Variants in DNAJB4 observed in about 807,000 individuals in gnomAD.
DNAJB4 encodes the protein dnaJ homolog subfamily B member 4.
Under a neutral mutation model 26.6 loss-of-function variants are expected in DNAJB4, and 10 were observed. The observed-to-expected ratio is 0.38, with a 90% confidence interval of 0.23 to 0.64. The LOEUF (loss-of-function observed/expected upper bound fraction) is 0.64, where lower values mean the gene tolerates loss of function less well. Ranked by LOEUF, DNAJB4 falls within the 30% of genes least tolerant of loss-of-function variation. The pLI, the probability that DNAJB4 is intolerant of heterozygous loss-of-function variation, is 0.58. For synonymous variants in DNAJB4, 136 were observed against 134.8 expected (o/e 1.01, Z -0.06); for missense variants, 328 against 408.2 (o/e 0.80, Z 1.69).
At chr1:77,982,538 G>A (rs1192911392) in intron 1 of DNAJB4, among the ~76,000 whole-genome samples, 2 of 22,640 alleles carry the variant, frequency 8.8e-5, no homozygotes, top group Non-Finnish European at 2.3e-4. Flanking sequence ...AATATGAAAG[G>A]TAGGCTGGGC....
intron 1 of DNAJB4, among the ~76,000 whole-genome samples, chr1:77,992,189 G>A (rs1192166145): frequency 8.6e-5 from 13 of 151,656 alleles, no homozygotes; most frequent in African/African-American, 2.9e-4. Context: ...CGAGGCGGGC[G>A]GATCACGAGG....
rs759436082 is a variant in DNAJB4, at chr1:78,005,300, T to C, written c.190T>C (p.Tyr64His). ...GAGTGATCCTAAAAAGAGAGAAATATATGATCAGTTTGGGGAGGAAGGTAA... is the reference window on the plus strand; with the variant it reads ...GAGTGATCCTAAAAAGAGAGAAATACATGATCAGTTTGGGGAGGAAGGTAA... ...VLSDPKKREI[Y>H]DQFGEEGLKG... The change falls in exon 1 of 3, where the codon TAT becomes CAT. Residue 64 changes from tyrosine (Y) to histidine (H), a missense_variant. Transcript: ENST00000370763. The C allele has an allele frequency of 1.2e-6, 2 of 1,613,372 alleles. No individual in the cohort carries two copies. Among genetic ancestry groups the C allele is most frequent in the Non-Finnish European group, 8.5e-7 (1 of 1,179,792 alleles).
At chr1:77,998,390 T>G (rs1660113881) in intron 1 of DNAJB4, among the ~76,000 whole-genome samples, 1 of 152,216 alleles carries the variant, frequency 6.6e-6, no homozygotes, top group South Asian at 2.1e-4. Flanking sequence ...CTACTGTCAT[T>G]GCCTAAAAAA....
At chr1:77,981,315 A>G (rs939034897) in intron 1 of DNAJB4, 2 of 150,452 alleles carry the variant, frequency 1.3e-5, no homozygotes, top group East Asian at 2.0e-4. Context: ...GTGCACCACT[A>G]TGCCTAATTT....
At chr1:77,997,332 A>AAAATCTAT (rs1553134321) in intron 1 of DNAJB4, among the ~76,000 whole-genome samples, 5 of 149,754 alleles carry the variant, frequency 3.3e-5, no homozygotes, top group African/African-American at 1.2e-4. Context: ...AAAAAAAAAA[A>AAAATCTAT]ATCTATATCT....
chr1:78,011,218 G>A (rs1285721430), intron 1 of DNAJB4, among the ~76,000 whole-genome samples: 1 of 151,944 alleles, frequency 6.6e-6, no homozygotes, highest in Non-Finnish European at 1.5e-5. Flanking sequence ...TTAAGCAAAG[G>A]GTCAAAAAGT....
At chr1:77,999,090 T>C (rs2102599833) in intron 1 of DNAJB4, among the ~76,000 whole-genome samples, 1 of 152,338 alleles carries the variant, frequency 6.6e-6, no homozygotes, top group South Asian at 2.1e-4. Context: ...TCTTAGTGCT[T>C]ACTGGTTTTT....
intron 1 of DNAJB4, among the ~76,000 whole-genome samples, chr1:77,999,286 T>C (rs1660135913): frequency 6.6e-6 from 1 of 152,240 alleles, no homozygotes; most frequent in Non-Finnish European, 1.5e-5. Flanking sequence ...AAGAATATCT[T>C]AGCTCATTAT....
chr1:78,009,488 G>A (rs977771615), intron 1 of DNAJB4, among the ~76,000 whole-genome samples: 2 of 152,108 alleles, frequency 1.3e-5, no homozygotes, highest in South Asian at 2.1e-4. Flanking sequence ...TCTCTGGTGC[G>A]TTTTTTGATC....
intron 1 of DNAJB4, among the ~76,000 whole-genome samples, chr1:77,986,462 C>T (rs963364116): frequency 2.0e-5 from 3 of 152,178 alleles, no homozygotes; most frequent in Non-Finnish European, 4.4e-5. Context: ...AGTCTCTTGA[C>T]ACTTCTCTTT....
At chr1:78,010,935 C>T (rs990782403) in intron 1 of DNAJB4, among the ~76,000 whole-genome samples, 2 of 152,182 alleles carry the variant, frequency 1.3e-5, no homozygotes, top group African/African-American at 2.4e-5. Flanking sequence ...CCATTTTCAG[C>T]CCTGTATGCA....
intron 1 of DNAJB4, among the ~76,000 whole-genome samples, chr1:78,011,297 T>C (rs1382787667): frequency 6.6e-6 from 1 of 152,166 alleles, no homozygotes; most frequent in African/African-American, 2.4e-5. Flanking sequence ...GCCTTACGTG[T>C]CAAAGTTTAC....
Position 78,016,048 on chromosome 1 carries a change from T to TA in DNAJB4, c.815_816insA (p.Asp273GlyfsTer11). The TA allele has an allele frequency of 6.2e-7, 1 of 1,614,082 alleles. No homozygotes were observed. The highest frequency in any genetic ancestry group is 8.5e-7 in the Non-Finnish European group (1 of 1,180,000). ...GGCTGCTCAATTAATGTACCAACACTGGATGGAAGAAACATACCTATGTCA... is the reference window on the plus strand; with the variant it reads ...GGCTGCTCAATTAATGTACCAACACTAGGATGGAAGAAACATACCTATGTCA... On this transcript the variant is annotated frameshift_variant, in exon 3 of 3. Transcript: ENST00000370763. LOFTEE classifies it high-confidence loss of function.
intron 1 of DNAJB4, among the ~76,000 whole-genome samples, chr1:78,007,746 G>A (rs1181151085): frequency 6.6e-6 from 1 of 152,136 alleles, no homozygotes; most frequent in Non-Finnish European, 1.5e-5. Flanking sequence ...TGTGAAAGTA[G>A]GGGAAAACAT....
chr1:78,004,579 T>G (rs1048058312), upstream of DNAJB4: 1 of 152,380 alleles, frequency 6.6e-6, no homozygotes, highest in African/African-American at 2.4e-5. Context: ...GTTCCTTTTA[T>G]CTGTATATTA....
intron 1 of DNAJB4, among the ~76,000 whole-genome samples, chr1:78,009,188 G>C (rs1660405690): frequency 6.6e-6 from 1 of 152,022 alleles, no homozygotes; most frequent in South Asian, 2.1e-4. Flanking sequence ...AAAAATCTCA[G>C]AATCTCATTA....
intron 1 of DNAJB4, among the ~76,000 whole-genome samples, chr1:77,985,705 G>C (rs934951112): frequency 6.6e-6 from 1 of 151,930 alleles, no homozygotes; most frequent in African/African-American, 2.4e-5. Context: ...GAGCTTTTAA[G>C]TGGTAAACGG....
chr1:77,999,528 T>C (rs912336698), intron 1 of DNAJB4, among the ~76,000 whole-genome samples: 23 of 152,028 alleles, frequency 1.5e-4, no homozygotes, highest in African/African-American at 5.1e-4. Context: ...GATGCCAGAC[T>C]CCTTTGGGGG....
chr1:77,991,832 G>A (rs955218496), intron 1 of DNAJB4, among the ~76,000 whole-genome samples: 1 of 152,102 alleles, frequency 6.6e-6, no homozygotes, highest in African/African-American at 2.4e-5. Context: ...AGAAAATTCA[G>A]GTGTTAGGTA....
Sources: allele counts gnomAD v4.1 joint callset (sites outside exome capture counted in the v4.1 genomes callset), GRCh38; gene constraint gnomAD v4.1.1; transcripts MANE v1.5; gene names NCBI Gene and HGNC (gene_info 2026-07-23, HGNC 2026-07-21).